Variants in NCAM1 observed in about 807,000 individuals in gnomAD.
NCAM1 encodes the protein antigen recognized by monoclonal antibody 5.1H11.
A neutral mutation model predicts 109.8 loss-of-function variants in NCAM1; 14 were observed. That is an observed-to-expected ratio of 0.13 (90% CI 0.08 to 0.20). The LOEUF (loss-of-function observed/expected upper bound fraction) is 0.20, where lower values mean the gene tolerates loss of function less well. Ranked by LOEUF, NCAM1 falls within the 10% of genes least tolerant of loss-of-function variation. The probability of loss-of-function intolerance (pLI) is 1.00; values close to 1 mark genes in which losing one functional copy is unlikely to be tolerated. For missense variants in NCAM1, 774 were observed against 1,109.9 expected (o/e 0.70, Z 4.30); for synonymous variants, 418 against 442.9 (o/e 0.94, Z 0.70).
At chr11:113,089,450 GAC>G (rs1939240488) in intron 1 of NCAM1, among the ~76,000 whole-genome samples, 1 of 151,854 alleles carries the variant, frequency 6.6e-6, no homozygotes, top group South Asian at 2.1e-4. Context: ...CTGTGGTTAA[GAC>G]AGTGTTAGGC....
chr11:113,230,028 C>A (rs549671877), intron 9 of NCAM1, among the ~76,000 whole-genome samples: 1 of 151,426 alleles, frequency 6.6e-6, no homozygotes, highest in Non-Finnish European at 1.5e-5. Context: ...CACATGTATA[C>A]GTATGTAACA....
chr11:112,989,747 C>CT (rs1258350425), intron 1 of NCAM1, among the ~76,000 whole-genome samples: 3 of 152,020 alleles, frequency 2.0e-5, no homozygotes, highest in Non-Finnish European at 2.9e-5. Context: ...ATCTTCTAGT[C>CT]TTTTTTTGGA....
Position 113,235,025 on chromosome 11 carries a change from T to C in NCAM1, c.1694-8T>C, listed in dbSNP as rs782336296. ...GACTCTTTTGTCATCCTTCCCATAT[T>C]ATAACAGCCAGCATGGAGGGCATCG... On this transcript the variant is annotated splice_region_variant and splice_polypyrimidine_tract_variant and intron_variant, in intron 13 of 19. Coordinates refer to ENST00000316851, the MANE Select transcript of NCAM1 (RefSeq NM_181351.5). The C allele has an allele frequency of 3.6e-5, 55 of 1,548,082 alleles. No homozygotes were observed. Among genetic ancestry groups the C allele is most frequent in the Non-Finnish European group, 4.7e-5 (54 of 1,143,764 alleles).
At chr11:113,191,075 G>C (rs1003141139) in intron 1 of NCAM1, among the ~76,000 whole-genome samples, 1 of 152,200 alleles carries the variant, frequency 6.6e-6, no homozygotes, top group Non-Finnish European at 1.5e-5. Context: ...CCAAATTGGG[G>C]GATCAGTAGT....
At chr11:113,133,526 C>T (rs1340037395) in intron 1 of NCAM1, 1 of 152,154 alleles carries the variant, frequency 6.6e-6, no homozygotes, top group Non-Finnish European at 1.5e-5. Context: ...GCATTTTAAT[C>T]ACTGGGAATT....
intron 9 of NCAM1, among the ~76,000 whole-genome samples, chr11:113,223,069 A>G (rs530446796): frequency 1.3e-5 from 2 of 152,334 alleles, no homozygotes; most frequent in African/African-American, 4.8e-5. Context: ...AAGAATAATT[A>G]TCATTAACCT....
At chr11:113,075,814 T>G (rs1439389348) in intron 1 of NCAM1, among the ~76,000 whole-genome samples, 1 of 152,234 alleles carries the variant, frequency 6.6e-6, no homozygotes, top group African/African-American at 2.4e-5. Flanking sequence ...CTGTTCTGCC[T>G]ACGTGTGTGG....
At chr11:113,212,698 T>G (rs1555113800) in intron 7 of NCAM1, among the ~76,000 whole-genome samples, 1 of 152,244 alleles carries the variant, frequency 6.6e-6, no homozygotes, top group Non-Finnish European at 1.5e-5. Context: ...CAGCTCTTAC[T>G]TTACCTTTCT....
At chr11:113,210,775 A>AACACACACACAC (rs35387760) in intron 7 of NCAM1, among the ~76,000 whole-genome samples, 541 of 130,964 alleles carry the variant, frequency 4.1e-3, no homozygotes, top group East Asian at 0.017. Context: ...CTTCATCACA[A>AACACACACACAC]ACACACACAC....
intron 1 of NCAM1, among the ~76,000 whole-genome samples, chr11:113,071,339 T>G (rs1938250860): frequency 1.3e-5 from 2 of 152,104 alleles, no homozygotes; most frequent in Admixed American, 1.3e-4. Context: ...GTTTGTCAAG[T>G]GAATAACATG....
chr11:113,086,118 A>G (rs1352276547), intron 1 of NCAM1, among the ~76,000 whole-genome samples: 3 of 152,240 alleles, frequency 2.0e-5, no homozygotes, highest in Non-Finnish European at 4.4e-5. Context: ...ACTGATGCTC[A>G]GTTGTCAGGG....
chr11:113,248,709 G>T (rs1230103549), intron 15 of NCAM1, among the ~76,000 whole-genome samples: 2 of 152,186 alleles, frequency 1.3e-5, no homozygotes, highest in African/African-American at 4.8e-5. Context: ...TGAGTTCAGT[G>T]GGACAGCGTT....
intron 19 of NCAM1, 143 bp downstream of exon 19, chr11:113,272,019 C>T: frequency 1.7e-6 from 1 of 585,056 alleles, no homozygotes. Context: ...GGCCACAAGA[C>T]CTGCTTGGCT....
In NCAM1 at chr11:113,277,391, G is replaced by A. The variant is rs1718966561; in HGVS notation, c.*2004G>A. ...GGAGGATCCCAGAACACACAGCCCT[G>A]GCCCCTTTGATTCTAGGGCCTGCAC... On this transcript the variant is annotated 3_prime_UTR_variant, in exon 20 of 20. Coordinates refer to ENST00000316851, the MANE Select transcript of NCAM1 (RefSeq NM_181351.5). 3 of 399,002 alleles carry A rather than the reference G, an allele frequency of 7.5e-6. No homozygotes were observed. The highest frequency in any genetic ancestry group is 4.4e-5 in the Admixed American group (1 of 22,712). The allele number at this position is 399,002 out of a possible 1,614,324, so 24.7% of individuals were successfully genotyped here.
At chr11:113,249,280 G>A (rs1442594001) in intron 15 of NCAM1, among the ~76,000 whole-genome samples, 1 of 152,078 alleles carries the variant, frequency 6.6e-6, no homozygotes, top group African/African-American at 2.4e-5. Flanking sequence ...ACGATCTCTG[G>A]CAGGTCGACA....
intron 1 of NCAM1, among the ~76,000 whole-genome samples, chr11:113,039,854 T>C (rs1555079700): frequency 6.6e-6 from 1 of 152,194 alleles, no homozygotes. Flanking sequence ...ATTTTAAAAA[T>C]AATTGGCCAG....
intron 1 of NCAM1, among the ~76,000 whole-genome samples, chr11:113,140,747 A>G (rs551556808): frequency 4.8e-4 from 73 of 152,334 alleles, no homozygotes; most frequent in Non-Finnish European, 8.4e-4. Flanking sequence ...ATTTGTAAGT[A>G]ACTTTTGCGT....
chr11:113,059,276 C>T (rs1953833945), intron 1 of NCAM1, among the ~76,000 whole-genome samples: 1 of 152,198 alleles, frequency 6.6e-6, no homozygotes. Context: ...CTTCCAAAGC[C>T]AAGCCCATGG....
At chr11:113,123,039 T>C (rs1215038637) in intron 1 of NCAM1, among the ~76,000 whole-genome samples, 2 of 152,140 alleles carry the variant, frequency 1.3e-5, no homozygotes, top group South Asian at 2.1e-4. Flanking sequence ...AGAATGATGG[T>C]TACCAGAGGC....
Sources: gnomAD v4.1 joint callset for allele counts (sites outside exome capture counted in the v4.1 genomes callset) on GRCh38, gnomAD v4.1.1 for gene constraint, MANE v1.5 for transcripts, NCBI Gene and HGNC (gene_info 2026-07-23, HGNC 2026-07-21) for gene names.